RNF39: variants seen among roughly 807,000 people sequenced by gnomAD.
RNF39 encodes ring finger protein 39.
Under a neutral mutation model 29.2 loss-of-function variants are expected in RNF39, and 25 were observed. The ratio of observed to expected loss-of-function variants is 0.86; its 90% CI spans 0.62 to 1.20. RNF39 has a LOEUF of 1.20. Among genes scored for constraint, RNF39 ranks in the 50% most tolerant of loss-of-function variants. RNF39 has a pLI of 0.00. For missense variants in RNF39, 519 were observed against 515.0 expected, an observed-to-expected ratio of 1.01 and a Z score of -0.08; for synonymous variants, 219 against 229.0, an observed-to-expected ratio of 0.96 and a Z score of 0.40.
chr6:30,075,489 G>A lies in RNF39; in HGVS notation c.97C>T (p.Leu33=). 2 of 1,557,326 alleles carry A rather than the reference G, an allele frequency of 1.3e-6. No individual in the cohort carries two copies. The highest frequency in any genetic ancestry group is 2.3e-5 in the South Asian group (2 of 85,668). The change falls in exon 1 of 4, where the codon CTG becomes TTG. Residue 33 remains leucine, a synonymous_variant. Transcript: ENST00000244360. ...CGGCAGAAGCTGTGCTCGCACGCCA[G>A]AAGCACCGGGTCCTCGAAGGAGCCC... ...CGGSFEDPVL[L]ACEHSFCRAC...
In RNF39 at chr6:30,071,666, G is replaced by C. The variant is rs762698810; in HGVS notation, c.504C>G (p.Thr168=). The C allele has an allele frequency of 7.0e-7, 1 of 1,427,568 alleles. No individual in the cohort carries two copies. The highest frequency in any genetic ancestry group is 1.5e-5 in the African/African-American group (1 of 67,032). The allele number at this position is 1,427,568 out of a possible 1,614,324, so 88.4% of individuals were successfully genotyped here. A position where few individuals can be genotyped will look rare whatever the true frequency, so the allele number is the denominator to read the frequency against. ...LTADLTLDPG[T]AHRRLLISAD... ...CGGAGATGAGCAGGCGGCGGTGTGC[G>C]GTCCCAGGGTCCAGGGTCAGGTCGG... Residue 168 remains threonine, a synonymous_variant, in exon 4 of 4, where the codon ACC becomes ACG. Transcript: ENST00000244360. The surrounding 1 kb of genome is among the most constrained non-coding windows in gnomAD (Gnocchi z 5.0).
intron 2 of RNF39, 57 bp from the exon 3 acceptor site, chr6:30,073,305 G>A (rs1213814883): frequency 3.5e-5 from 52 of 1,473,528 alleles, no homozygotes; most frequent in Non-Finnish European, 4.5e-5. Flanking sequence ...ATGCCCCCAC[G>A]CATACCCCAC....
chr6:30,073,593 T>C, intron 1 of RNF39, 115 bp from the exon 2 acceptor site: 1 of 1,120,308 alleles, frequency 8.9e-7, no homozygotes, highest in Non-Finnish European at 1.3e-6. Context: ...GTGTCCCTCC[T>C]CACCTTTCAG....
rs1446711716 is a variant in RNF39, at chr6:30,075,341, G to C, written c.245C>G (p.Ala82Gly). 6.3e-7 allele frequency: 1 copy of C among 1,590,726 alleles called. No homozygotes were observed. The highest frequency in any genetic ancestry group is 1.1e-5 in the South Asian group (1 of 88,190). The change falls in exon 1 of 4, where the codon GCG becomes GGG. Residue 82 changes from alanine (A) to glycine (G), a missense_variant. Ala to Gly is a moderately conservative substitution (Grantham distance 60). Transcript: ENST00000244360. ...CTCGCGGCTGATTCGCACCTCCACC[G>C]CCAGCCGCACATTAGACCTCAGGCT... is the stretch of plus-strand genomic sequence containing the variant. ...RRSLRSNVRL[A>G]VEVRISRELR...
chr6:30,071,455 C>T lies in RNF39; in HGVS notation c.715G>A (p.Glu239Lys), dbSNP rs916490850. The part of the protein sequence containing the change: ...RDSSGEDADD[E>K]ESHYAVGAAG... Reference sequence around the variant, plus strand: ...GCGCCCACTGCATAGTGGCTCTCCTCGTCGTCCGCATCCTCCCCAGAAGAG... The same window carrying T: ...GCGCCCACTGCATAGTGGCTCTCCTTGTCGTCCGCATCCTCCCCAGAAGAG... The change falls in exon 4 of 4, where the codon GAG (glutamate) becomes AAG (lysine). Residue 239 changes from glutamate (E) to lysine (K), a missense_variant. Coordinates refer to ENST00000244360, the MANE Select transcript of RNF39 (RefSeq NM_025236.4). The surrounding 1 kb of genome is among the most constrained non-coding windows in gnomAD (Gnocchi z 5.0). 6 of 1,558,616 alleles carry T rather than the reference C, an allele frequency of 3.8e-6. No homozygotes were observed. The highest frequency in any genetic ancestry group is 5.2e-6 in the Non-Finnish European group (6 of 1,160,156).
In RNF39 at chr6:30,072,546, G is replaced by T. The variant is rs114923177; in HGVS notation, c.478+611C>A. On this transcript the variant is annotated intron_variant, in intron 3 of 3. Coordinates refer to ENST00000244360, the MANE Select transcript of RNF39 (RefSeq NM_025236.4). The surrounding 1 kb of genome is among the most constrained non-coding windows in gnomAD (Gnocchi z 4.5). Reference sequence around the variant, plus strand: ...TGGTGGAAGCAGAGATTTTTGAGAGGCACCTAACCTTCAGGGATCTGTTGT... The same window carrying T: ...TGGTGGAAGCAGAGATTTTTGAGAGTCACCTAACCTTCAGGGATCTGTTGT... Among the ~76,000 whole-genome samples, 13 of 152,056 alleles carry T rather than the reference G, an allele frequency of 8.5e-5. No homozygotes were observed. The highest frequency in any genetic ancestry group is 3.1e-4 in the African/African-American group (13 of 41,388).
chr6:30,071,532 GC>G lies in RNF39; in HGVS notation c.637del (p.Ala213ProfsTer46), dbSNP rs779754667. 4 of 1,526,732 alleles carry G rather than the reference GC, an allele frequency of 2.6e-6. No homozygotes were observed. The highest frequency in any genetic ancestry group is 1.4e-5 in the African/African-American group (1 of 72,086). 94.6% of individuals were successfully genotyped at this position (1,526,732 alleles called of 1,614,324 possible). ...CTCCACCTCCCAGCAGTGGCGGCCG[GC>G]CCCGAAGCCCTGCGCACCCAGCACA... ...PAVLGAQGFG[A>X]GRHCWEVETA... is the part of the protein sequence containing the mutation. On this transcript the variant is annotated frameshift_variant, in exon 4 of 4. Transcript: ENST00000244360. LOFTEE classifies it high-confidence loss of function. The surrounding 1 kb of genome is among the most constrained non-coding windows in gnomAD (Gnocchi z 5.0).
Position 30,071,226 on chromosome 6 carries a change from G to A in RNF39, c.944C>T (p.Ser315Leu). Residue 315 changes from serine to leucine, a missense_variant, in exon 4 of 4, where the codon TCA becomes TTA. Ser to Leu is a moderately radical substitution (Grantham distance 145, BLOSUM62 -2). Coordinates refer to ENST00000244360, the MANE Select transcript of RNF39 (RefSeq NM_025236.4). This position sits in a 1 kb window ranked among gnomAD's most constrained non-coding sequence, Gnocchi z 5.0. ...RGRVAFYDGR[S>L]LDLLYAFQAP... ...CTGGAAGGCGTAAAGCAGGTCGAGT[G>A]AGCGGCCGTCGTAGAAGGCCACGCG... The A allele has an allele frequency of 6.6e-7, 1 of 1,512,772 alleles. No homozygotes were observed. The highest frequency in any genetic ancestry group is 2.3e-5 in the East Asian group (1 of 43,756). The allele number at this position is 1,512,772 out of a possible 1,614,324, so 93.7% of individuals were successfully genotyped here. A position where few individuals can be genotyped will look rare whatever the true frequency, so the allele number is the denominator to read the frequency against.
Position 30,075,348 on chromosome 6 carries a change from G to A in RNF39, c.238C>T (p.Arg80Trp), listed in dbSNP as rs753699803. 19 of 1,591,328 alleles carry A rather than the reference G, an allele frequency of 1.2e-5. No individual in the cohort carries two copies. Among genetic ancestry groups the A allele is most frequent in the Non-Finnish European group, 1.6e-5 (19 of 1,171,394 alleles). Reference protein sequence around the residue: ...CPRRSLRSNVRLAVEVRISRE... With the variant: ...CPRRSLRSNVWLAVEVRISRE... ...CTGATTCGCACCTCCACCGCCAGCC[G>A]CACATTAGACCTCAGGCTGCGGCGG... Residue 80 changes from arginine to tryptophan, a missense_variant, in exon 1 of 4, where the codon CGG becomes TGG. Transcript: ENST00000244360.
chr6:30,073,835 C>T (rs970502652), intron 1 of RNF39, among the ~76,000 whole-genome samples: 1 of 152,112 alleles, frequency 6.6e-6, no homozygotes, highest in Non-Finnish European at 1.5e-5. Context: ...TCCTCAGTCC[C>T]ATTCTCTGTC....
In RNF39 at chr6:30,073,156, C is replaced by T. The variant is rs1195457092; in HGVS notation, c.478+1G>A. Reference sequence around the variant, plus strand: ...CCTTCCCTCCCTTCTTCTTTCCTTACCTGTCAGTCTATGAAGCATTTTTTT... The same window carrying T: ...CCTTCCCTCCCTTCTTCTTTCCTTATCTGTCAGTCTATGAAGCATTTTTTT... On this transcript the variant is annotated splice_donor_variant, in intron 3 of 3. Coordinates refer to ENST00000244360, the MANE Select transcript of RNF39 (RefSeq NM_025236.4). LOFTEE classifies it high-confidence loss of function. 6.4e-7 allele frequency: 1 copy of T among 1,572,166 alleles called. No individual in the cohort carries two copies. Among genetic ancestry groups the T allele is most frequent in the Non-Finnish European group, 8.8e-7 (1 of 1,141,982 alleles).
chr6:30,071,422 C>G lies in RNF39; in HGVS notation c.748G>C (p.Glu250Gln). 6.7e-7 allele frequency: 1 copy of G among 1,503,468 alleles called. No homozygotes were observed. Among genetic ancestry groups the G allele is most frequent in the South Asian group, 1.3e-5 (1 of 75,042 alleles). The allele number at this position is 1,503,468 out of a possible 1,614,324, so 93.1% of individuals were successfully genotyped here. Residue 250 changes from glutamate (E) to glutamine (Q), a missense_variant, in exon 4 of 4, where the codon GAA becomes CAA. By Grantham distance (29) the Glu-to-Gln change is conservative. Coordinates refer to ENST00000244360, the MANE Select transcript of RNF39 (RefSeq NM_025236.4). This position sits in a 1 kb window ranked among gnomAD's most constrained non-coding sequence, Gnocchi z 5.0. ...ACGCAGCCCTTGCGTTGCACTGATT[C>G]CCCGGCCGCGCCCACTGCATAGTGG... is the stretch of plus-strand genomic sequence containing the variant. Reference protein sequence around the residue: ...ESHYAVGAAGESVQRKGCVRL... With the variant: ...ESHYAVGAAGQSVQRKGCVRL...
In RNF39 at chr6:30,070,671, G is replaced by GTCCTTA; in HGVS notation, c.*439_*440insTAAGGA. On this transcript the variant is annotated 3_prime_UTR_variant, in exon 4 of 4. Transcript: ENST00000244360. ...TAGGAGAAACCTCAGTGGACAGGCA[G>GTCCTTA]GGTAGCCCAGTCCTTAGATCTGTGG... The GTCCTTA allele has an allele frequency of 2.6e-6, 1 of 378,388 alleles. No individual in the cohort carries two copies. Among genetic ancestry groups the GTCCTTA allele is most frequent in the South Asian group, 2.0e-5 (1 of 49,682 alleles). 23.4% of individuals were successfully genotyped at this position (378,388 alleles called of 1,614,324 possible).
intron 1 of RNF39, 127 bp from the exon 2 acceptor site, chr6:30,073,605 G>A: frequency 1.1e-6 from 1 of 946,688 alleles, no homozygotes; most frequent in Non-Finnish European, 1.6e-6. Flanking sequence ...ACCTTTCAGA[G>A]TGATCTCACC....
Position 30,070,836 on chromosome 6 carries a change from TG to T in RNF39, c.*274del, listed in dbSNP as rs1166379397. 1.2e-5 allele frequency: 8 copies of T among 669,036 alleles called. No individual in the cohort carries two copies. Among genetic ancestry groups the T allele is most frequent in the Non-Finnish European group, 2.2e-5 (8 of 363,940 alleles). The allele number at this position is 669,036 out of a possible 1,614,324, so 41.4% of individuals were successfully genotyped here. A position where few individuals can be genotyped will look rare whatever the true frequency, so the allele number is the denominator to read the frequency against. ...CCTGTTCCCCATTGCAGGCCTAGAATGGTTTGAATGGGAGAAGTCAGGAAGT... is the reference window on the plus strand; with the variant it reads ...CCTGTTCCCCATTGCAGGCCTAGAATGTTTGAATGGGAGAAGTCAGGAAGT... On this transcript the variant is annotated 3_prime_UTR_variant, in exon 4 of 4. Transcript: ENST00000244360.
At position 30,070,453 on chromosome 6, in the gene RNF39, T is replaced by G; in HGVS notation, c.*658A>C. On this transcript the variant is annotated 3_prime_UTR_variant, in exon 4 of 4. Transcript: ENST00000244360. ...GGAGGAGAGAGGGGAAATAGCACCA[T>G]TGGTTCCTTTCCGTGAGTATGTGCG... 4.7e-6 allele frequency: 1 copy of G among 214,390 alleles called. No homozygotes were observed. The allele number at this position is 214,390 out of a possible 1,614,324, so 13.3% of individuals were successfully genotyped here. A position where few individuals can be genotyped will look rare whatever the true frequency, so the allele number is the denominator to read the frequency against.
Position 30,071,611 on chromosome 6 carries a change from G to GT in RNF39, c.558dup (p.Pro187ThrfsTer8). 6.8e-7 allele frequency: 1 copy of GT among 1,461,352 alleles called. No homozygotes were observed. Among genetic ancestry groups the GT allele is most frequent in the Non-Finnish European group, 9.0e-7 (1 of 1,112,708 alleles). The allele number at this position is 1,461,352 out of a possible 1,614,324, so 90.5% of individuals were successfully genotyped here. ...CCGTCAGGGGGCGCGGGCGTCCCTG[G>GT]TGGGGCCAGTTGTACGCTGCGGCGG... On this transcript the variant is annotated frameshift_variant, in exon 4 of 4. Coordinates refer to ENST00000244360, the MANE Select transcript of RNF39 (RefSeq NM_025236.4). LOFTEE classifies it high-confidence loss of function. The surrounding 1 kb of genome is among the most constrained non-coding windows in gnomAD (Gnocchi z 5.0).
Position 30,075,360 on chromosome 6 carries a change from T to C in RNF39, c.226A>G (p.Arg76Gly). Reference protein sequence around the residue: ...CGLPCPRRSLRSNVRLAVEVR... With the variant: ...CGLPCPRRSLGSNVRLAVEVR... ...TCCACCGCCAGCCGCACATTAGACC[T>C]CAGGCTGCGGCGGGGACACGGCAGG... The change falls in exon 1 of 4, where the codon AGG (arginine) becomes GGG (glycine). Residue 76 changes from arginine (R) to glycine (G), a missense_variant. By Grantham distance (125) the Arg-to-Gly change is moderately radical (BLOSUM62 -2). Coordinates refer to ENST00000244360, the MANE Select transcript of RNF39 (RefSeq NM_025236.4). The C allele has an allele frequency of 1.3e-6, 2 of 1,588,720 alleles. No individual in the cohort carries two copies. The highest frequency in any genetic ancestry group is 1.7e-6 in the Non-Finnish European group (2 of 1,170,068).
In RNF39 at chr6:30,070,878, G is replaced by C. The variant is rs942420090; in HGVS notation, c.*233C>G. The C allele has an allele frequency of 1.0e-5, 7 of 699,586 alleles. No individual in the cohort carries two copies. Among genetic ancestry groups the C allele is most frequent in the African/African-American group, 7.0e-5 (4 of 57,218 alleles). The allele number at this position is 699,586 out of a possible 1,614,324, so 43.3% of individuals were successfully genotyped here. On this transcript the variant is annotated 3_prime_UTR_variant, in exon 4 of 4. Transcript: ENST00000244360. The stretch of plus-strand genomic sequence containing the variant: ...GTCAGGAAGTACTGTAGTAGCTGTA[G>C]GGGAGAGAAGATTCTGAGAGCCAGA...
Sources: gnomAD v4.1 joint callset for allele counts (sites outside exome capture counted in the v4.1 genomes callset) on GRCh38, gnomAD v4.1.1 for gene constraint, Gnocchi (gnomAD v3.1) non-coding constraint, MANE v1.5 for transcripts, NCBI Gene and HGNC (gene_info 2026-07-23, HGNC 2026-07-21) for gene names.